The following BICRAL variants were observed in gnomAD, a reference collection of about 807,000 sequenced individuals.
BICRAL encodes the protein BICRA like chromatin remodeling complex associated protein.
In BICRAL, 8 loss-of-function variants were observed where a neutral mutation model predicts 91.8. That is an observed-to-expected ratio of 0.09 (90% confidence interval 0.05 to 0.16). The LOEUF (loss-of-function observed/expected upper bound fraction) is 0.16, where lower values mean the gene tolerates loss of function less well. Among genes scored for constraint, BICRAL ranks in the 10% least tolerant of loss-of-function variants. The pLI, the probability that BICRAL is intolerant of heterozygous loss-of-function variation, is 1.00. For synonymous variants in BICRAL, 445 were observed against 491.1 expected (o/e 0.91, Z 1.24); for missense variants, 1,038 against 1,310.9 (o/e 0.79, Z 3.21).
At position 42,857,600 on chromosome 6, in the gene BICRAL, TAAAAAAAAAA is replaced by T. The variant is rs748078737; in HGVS notation, c.2254+370_2254+379del. Among the ~76,000 whole-genome samples, 386 of 101,336 alleles carry T rather than the reference TAAAAAAAAAA, an allele frequency of 3.8e-3. 18 individuals carry two copies. The highest frequency in any genetic ancestry group is 0.018 in the African/African-American group (367 of 20,026). The allele number at this position is 101,336 out of a possible 152,430, so 66.5% of individuals were successfully genotyped here. A position where few individuals can be genotyped will look rare whatever the true frequency, so the allele number is the denominator to read the frequency against. ...GGCAACATAGGGAGACACTGTCTCT[TAAAAAAAAAA>T]AAAAATATATATATATATATATATA... On this transcript the variant is annotated intron_variant, in intron 10 of 12. Transcript: ENST00000314073.
intron 2 of BICRAL, among the ~76,000 whole-genome samples, chr6:42,813,445 C>G (rs1763893264): frequency 6.6e-6 from 1 of 152,052 alleles, no homozygotes; most frequent in Admixed American, 6.6e-5. Context: ...CTTTAAAGAA[C>G]TGAAAGGAAA....
At chr6:42,795,559 A>G (rs551484513) in intron 1 of BICRAL, among the ~76,000 whole-genome samples, 1 of 152,342 alleles carries the variant, frequency 6.6e-6, no homozygotes, top group African/African-American at 2.4e-5. Flanking sequence ...CTATGTTTCA[A>G]ATTACCTTAC....
At chr6:42,754,819 C>T (rs1309628771) in intron 1 of BICRAL, among the ~76,000 whole-genome samples, 1 of 152,156 alleles carries the variant, frequency 6.6e-6, no homozygotes, top group African/African-American at 2.4e-5. Flanking sequence ...CTCGCTTGAT[C>T]CCAGGAGTTG....
chr6:42,865,310 A>G lies in BICRAL; in HGVS notation c.3104A>G (p.Glu1035Gly). ...QSDPTVSGSV[E>G]LDFPNFSPMA... ...GACCCCACGGTTAGCGGCTCTGTTG[A>G]GTTAGATTTCCCCAACTTTTCTCCT... Residue 1035 changes from glutamate to glycine, a missense_variant, in exon 13 of 13, where the codon GAG (glutamate) becomes GGG (glycine). Physicochemically the swap from Glu to Gly is moderately conservative, Grantham distance 98. This residue lies in a region of BICRAL where 92 missense variants were observed against 147.8 expected (regional missense o/e 0.62). Coordinates refer to ENST00000314073, the MANE Select transcript of BICRAL (RefSeq NM_001393499.1). The G allele has an allele frequency of 6.2e-7, 1 of 1,614,116 alleles. No individual in the cohort carries two copies. Among genetic ancestry groups the G allele is most frequent in the African/African-American group, 1.3e-5 (1 of 75,036 alleles).
intron 1 of BICRAL, among the ~76,000 whole-genome samples, chr6:42,775,790 G>C (rs1762800031): frequency 6.6e-6 from 1 of 152,036 alleles, no homozygotes; most frequent in African/African-American, 2.4e-5. Context: ...ATTTAATATA[G>C]AGACAAATAG....
chr6:42,834,529 A>C (rs1738354056), intron 6 of BICRAL, among the ~76,000 whole-genome samples: 2 of 152,148 alleles, frequency 1.3e-5, no homozygotes, highest in Non-Finnish European at 2.9e-5. Context: ...TCCTGTACTT[A>C]CTAGTAGCAT....
chr6:42,764,457 T>G (rs565392839), intron 1 of BICRAL, among the ~76,000 whole-genome samples: 173 of 151,304 alleles, frequency 1.1e-3, no homozygotes, highest in African/African-American at 3.9e-3. Flanking sequence ...GAGGCTGAGG[T>G]TGGAGGATCA....
intron 1 of BICRAL, among the ~76,000 whole-genome samples, chr6:42,809,492 A>G (rs925253746): frequency 5.1e-5 from 7 of 137,276 alleles, no homozygotes; most frequent in Admixed American, 4.1e-4. Context: ...ACTAGAGTGC[A>G]GTGGCACAAT....
At chr6:42,848,595 G>A (rs954624333) in intron 6 of BICRAL, among the ~76,000 whole-genome samples, 2 of 152,120 alleles carry the variant, frequency 1.3e-5, no homozygotes, top group Admixed American at 6.5e-5. Flanking sequence ...CTATAACCCC[G>A]CACTTTAGGT....
chr6:42,845,345 C>G (rs12204011), intron 6 of BICRAL, among the ~76,000 whole-genome samples: 10,290 of 150,504 alleles, frequency 0.068, 459 homozygotes, highest in Middle Eastern at 0.099. Context: ...TCTCCTGTCT[C>G]AGCCTCCGGA....
chr6:42,786,342 T>C (rs908549395), intron 1 of BICRAL, among the ~76,000 whole-genome samples: 2 of 152,232 alleles, frequency 1.3e-5, no homozygotes, highest in African/African-American at 4.8e-5. Flanking sequence ...GTGTCCAGTC[T>C]AGACCACTAG....
intron 5 of BICRAL, among the ~76,000 whole-genome samples, chr6:42,823,370 C>T (rs1043872105): frequency 6.6e-6 from 1 of 152,178 alleles, no homozygotes; most frequent in African/African-American, 2.4e-5. Context: ...AATACACCTA[C>T]CTTGGCCTCC....
chr6:42,845,224 TTTTTTTTTTTTTTTTTTTTTTTTTA>T (rs1764968097), intron 6 of BICRAL, among the ~76,000 whole-genome samples: 3 of 85,512 alleles, frequency 3.5e-5, no homozygotes, highest in Admixed American at 1.2e-4. Context: ...TTTTTTTTTT[TTTTTTTTTTTTTTTTTTTTTTTTTA>T]GACAGAGTTT....
In BICRAL at chr6:42,865,498, C is replaced by A. The variant is rs756445281; in HGVS notation, c.*52C>A. 2 of 971,310 alleles carry A rather than the reference C, an allele frequency of 2.1e-6. No individual in the cohort carries two copies. Among genetic ancestry groups the A allele is most frequent in the Non-Finnish European group, 3.1e-6 (2 of 639,096 alleles). The allele number at this position is 971,310 out of a possible 1,614,324, so 60.2% of individuals were successfully genotyped here. A position where few individuals can be genotyped will look rare whatever the true frequency, so the allele number is the denominator to read the frequency against. ...CCCGAGACCCCACCCCGAGACCCCA[C>A]CCCGGACCAGTTACATTCGTTCCTG... On this transcript the variant is annotated 3_prime_UTR_variant, in exon 13 of 13. Coordinates refer to ENST00000314073, the MANE Select transcript of BICRAL (RefSeq NM_001393499.1).
chr6:42,861,348 G>A (rs956384794), intron 11 of BICRAL, among the ~76,000 whole-genome samples: 1 of 152,136 alleles, frequency 6.6e-6, no homozygotes, highest in African/African-American at 2.4e-5. Flanking sequence ...CAACTTGATG[G>A]TTTTTAATAC....
chr6:42,839,193 G>T (rs1461151965), intron 6 of BICRAL, among the ~76,000 whole-genome samples: 1 of 152,102 alleles, frequency 6.6e-6, no homozygotes, highest in Admixed American at 6.6e-5. Flanking sequence ...GGGCAACAGA[G>T]TGAGACTCTG....
intron 10 of BICRAL, among the ~76,000 whole-genome samples, chr6:42,860,030 A>G (rs1203495402): frequency 1.3e-5 from 2 of 152,148 alleles, no homozygotes; most frequent in Non-Finnish European, 2.9e-5. Context: ...TTTCCTAGTT[A>G]AAGTTAAAAG....
In BICRAL at chr6:42,829,467, G is replaced by A; in HGVS notation, c.1134G>A (p.Val378=). The change falls in exon 6 of 13, where the codon GTG becomes GTA. Residue 378 remains valine (V), a synonymous_variant. Coordinates refer to ENST00000314073, the MANE Select transcript of BICRAL (RefSeq NM_001393499.1). ...NTRKPVTSQA[V]SSTGGSIVIH... is the part of the protein sequence containing the mutation. The stretch of plus-strand genomic sequence containing the variant: ...GAAAGCCAGTCACCTCACAGGCAGT[G>A]AGCAGCACTGGGGGCAGTATTGTTA... 1 of 1,614,202 alleles carries A rather than the reference G, an allele frequency of 6.2e-7. No individual in the cohort carries two copies. Among genetic ancestry groups the A allele is most frequent in the Non-Finnish European group, 8.5e-7 (1 of 1,180,042 alleles).
intron 1 of BICRAL, among the ~76,000 whole-genome samples, chr6:42,809,339 G>A (rs1763791936): frequency 1.3e-5 from 2 of 151,588 alleles, no homozygotes; most frequent in South Asian, 2.1e-4. Context: ...AGGAATTAAA[G>A]CAGTTTAAAG....
Sources: gnomAD v4.1 joint callset for allele counts (sites outside exome capture counted in the v4.1 genomes callset) on GRCh38, gnomAD v4.1.1 for gene constraint, gnomAD v4.1.1 regional missense constraint, MANE v1.5 for transcripts, NCBI Gene and HGNC (gene_info 2026-07-23, HGNC 2026-07-21) for gene names.